The following ATP13A4 variants were observed in gnomAD, a reference collection of about 807,000 sequenced individuals.
The protein encoded by ATP13A4 is ATPase 13A4.
A neutral mutation model predicts 142.5 loss-of-function variants in ATP13A4; 114 were observed. That is an observed-to-expected ratio of 0.80 (90% CI 0.69 to 0.93). The LOEUF (loss-of-function observed/expected upper bound fraction) is 0.93, where lower values mean the gene tolerates loss of function less well. ATP13A4 is among the 40% of genes least tolerant of loss of function. The pLI is 0.00. For synonymous variants in ATP13A4, 488 were observed against 514.8 expected (o/e 0.95, Z 0.70); for missense variants, 1,392 against 1,454.0 (o/e 0.96, Z 0.69).
intron 2 of ATP13A4, among the ~76,000 whole-genome samples, chr3:193,507,633 T>C (rs766113545): frequency 1.3e-5 from 2 of 152,182 alleles, no homozygotes; most frequent in Admixed American, 6.5e-5. Flanking sequence ...AGCATACATT[T>C]TTTTGGAGGG....
intron 2 of ATP13A4, among the ~76,000 whole-genome samples, chr3:193,503,463 C>T (rs954239194): frequency 1.3e-5 from 2 of 152,170 alleles, no homozygotes; most frequent in South Asian, 4.1e-4. Context: ...AAATACTAAA[C>T]ATAAAACCCA....
chr3:193,440,659 G>T lies in ATP13A4; in HGVS notation c.2440-22C>A, dbSNP rs760779077. Reference sequence around the variant, plus strand: ...ATATCTGTAAGGAACCCAAAATGGAGATTTTTTTATCAAGTCATCTGGTTG... The same window carrying T: ...ATATCTGTAAGGAACCCAAAATGGATATTTTTTTATCAAGTCATCTGGTTG... On this transcript the variant is annotated intron_variant, in intron 20 of 29. Coordinates refer to ENST00000342695, the MANE Select transcript of ATP13A4 (RefSeq NM_032279.4). 1.3e-5 allele frequency: 21 copies of T among 1,611,644 alleles called. No homozygotes were observed. The East Asian group carries it at 3.8e-4, about 29-fold the overall frequency.
upstream of ATP13A4, chr3:193,554,920 T>C (rs1190544794): frequency 1.2e-6 from 2 of 1,606,312 alleles, no homozygotes; most frequent in Non-Finnish European, 1.7e-6. Context: ...TCCTCCAGGT[T>C]AAAACTCCTC....
chr3:193,412,486 C>A, intron 26 of ATP13A4, 115 bp from the exon 27 acceptor site: 7 of 742,812 alleles, frequency 9.4e-6, no homozygotes, highest in Non-Finnish European at 1.2e-5. Context: ...AATGCTTCTA[C>A]AATTGCCTGT....
intron 8 of ATP13A4, among the ~76,000 whole-genome samples, chr3:193,481,675 C>T (rs1013096496): frequency 2.6e-5 from 4 of 152,100 alleles, no homozygotes; most frequent in Admixed American, 6.6e-5. Flanking sequence ...ACATTTGTTC[C>T]CACTGCATGA....
intron 17 of ATP13A4, among the ~76,000 whole-genome samples, chr3:193,450,599 T>C (rs1388922604): frequency 6.6e-6 from 1 of 152,196 alleles, no homozygotes; most frequent in Admixed American, 6.5e-5. Flanking sequence ...ATATTTAATC[T>C]GGGGTTTGAA....
In ATP13A4 at chr3:193,448,468, T is replaced by G; in HGVS notation, c.2028-138A>C. On this transcript the variant is annotated intron_variant, in intron 17 of 29. Coordinates refer to ENST00000342695, the MANE Select transcript of ATP13A4 (RefSeq NM_032279.4). ...CTCCTGCCTCAGCTTCCCAAGTAACTGGGATTATAGGTGCCCACCACCACG... is the reference window on the plus strand; with the variant it reads ...CTCCTGCCTCAGCTTCCCAAGTAACGGGGATTATAGGTGCCCACCACCACG... 10 of 1,121,874 alleles carry G rather than the reference T, an allele frequency of 8.9e-6. No individual in the cohort carries two copies. The South Asian group carries it at 1.2e-4, about 13-fold the overall frequency. 69.5% of individuals were successfully genotyped at this position (1,121,874 alleles called of 1,614,324 possible).
intron 8 of ATP13A4, among the ~76,000 whole-genome samples, chr3:193,477,814 C>T (rs542184185): frequency 1.3e-5 from 2 of 152,088 alleles, no homozygotes; most frequent in African/African-American, 2.4e-5. Flanking sequence ...AGGGGAGAGC[C>T]ACGAAGATCT....
chr3:193,462,257 G>T (rs1717996910), intron 13 of ATP13A4, among the ~76,000 whole-genome samples: 1 of 150,932 alleles, frequency 6.6e-6, no homozygotes, highest in Admixed American at 6.6e-5. Context: ...AGAGTTTCCA[G>T]CAGCCAGAAA....
intron 2 of ATP13A4, among the ~76,000 whole-genome samples, chr3:193,564,455 T>C (rs147263451): frequency 2.0e-5 from 3 of 152,304 alleles, no homozygotes; most frequent in Non-Finnish European, 4.4e-5. Flanking sequence ...TCTGACTGTT[T>C]ATCATGTAAG....
intron 29 of ATP13A4, chr3:193,403,877 T>C (rs946044209): frequency 1.0e-6 from 1 of 985,294 alleles, no homozygotes; most frequent in African/African-American, 1.7e-5. Context: ...CTTTGCTAAT[T>C]TGAAAGAGTT....
chr3:193,477,682 T>C (rs1209269194), intron 8 of ATP13A4, among the ~76,000 whole-genome samples: 2 of 152,106 alleles, frequency 1.3e-5, no homozygotes, highest in African/African-American at 4.8e-5. Flanking sequence ...CAAGCCACTA[T>C]GCAGAGAAGG....
intron 2 of ATP13A4, among the ~76,000 whole-genome samples, chr3:193,568,640 T>C (rs1035143700): frequency 3.9e-5 from 6 of 152,218 alleles, no homozygotes; most frequent in African/African-American, 1.4e-4. Flanking sequence ...TTGTTTCTAA[T>C]GCCATTCTCC....
intron 18 of ATP13A4, among the ~76,000 whole-genome samples, chr3:193,446,116 T>C (rs1276104688): frequency 6.6e-6 from 1 of 152,114 alleles, no homozygotes; most frequent in African/African-American, 2.4e-5. Context: ...TGAGCTATGA[T>C]CCTGCCACTG....
At chr3:193,456,542 G>C (rs1717623399) in intron 16 of ATP13A4, among the ~76,000 whole-genome samples, 1 of 152,130 alleles carries the variant, frequency 6.6e-6, no homozygotes. Flanking sequence ...AAAGAAATTT[G>C]AGATTATACT....
At position 193,487,753 on chromosome 3, in the gene ATP13A4, C is replaced by T. The variant is rs949064214; in HGVS notation, c.738+1977G>A. Among the ~76,000 whole-genome samples the T allele has an allele frequency of 5.9e-5, 9 of 152,068 alleles. No homozygotes were observed. The East Asian group carries it at 1.7e-3, about 29-fold the overall frequency. On this transcript the variant is annotated intron_variant, in intron 7 of 29. Coordinates refer to ENST00000342695, the MANE Select transcript of ATP13A4 (RefSeq NM_032279.4). ...TATAAGCATACATACTTGTTATATA[C>T]ATATGTATAGGTATGTAATATGTGT... is the stretch of plus-strand genomic sequence containing the variant.
chr3:193,550,294 G>C (rs1403679557), intron 1 of ATP13A4, among the ~76,000 whole-genome samples: 1 of 150,898 alleles, frequency 6.6e-6, no homozygotes, highest in African/African-American at 2.4e-5. Context: ...TTAGAAAGTG[G>C]TGAATTTTAG....
intron 2 of ATP13A4, among the ~76,000 whole-genome samples, chr3:193,580,178 C>G (rs532487851): frequency 5.3e-5 from 8 of 152,288 alleles, no homozygotes; most frequent in African/African-American, 1.9e-4. Context: ...TTCCTACAAC[C>G]TCTCCTGCTG....
At chr3:193,555,736 T>C (rs994880237), upstream of ATP13A4, among the ~76,000 whole-genome samples, 10 of 152,132 alleles carry the variant, frequency 6.6e-5, no homozygotes, top group African/African-American at 2.2e-4. Flanking sequence ...AGAAAGTGGA[T>C]TGTTATTATA....
Sources: allele counts gnomAD v4.1 joint callset (sites outside exome capture counted in the v4.1 genomes callset), GRCh38; gene constraint gnomAD v4.1.1; transcripts MANE v1.5; gene names NCBI Gene and HGNC (gene_info 2026-07-23, HGNC 2026-07-21).